B3GALT1: variants seen among roughly 807,000 people sequenced by gnomAD.
The protein encoded by B3GALT1 is beta-1,3-galactosyltransferase 1.
Under a neutral mutation model 23.2 loss-of-function variants are expected in B3GALT1, and 10 were observed. The ratio of observed to expected loss-of-function variants is 0.43; its 90% confidence interval spans 0.27 to 0.73. The LOEUF is 0.73. Among genes scored for constraint, B3GALT1 ranks in the 30% least tolerant of loss-of-function variants. B3GALT1 has a pLI of 0.21. For synonymous variants in B3GALT1, 156 were observed against 141.5 expected (o/e 1.10, Z -0.73); for missense variants, 299 against 405.4 (o/e 0.74, Z 2.25).
In B3GALT1 at chr2:167,804,777, C is replaced by T. The variant is rs528782863; in HGVS notation, c.-351-13895C>T. On this transcript the variant is annotated intron_variant, in intron 3 of 4. Coordinates refer to ENST00000392690, the MANE Select transcript of B3GALT1 (RefSeq NM_020981.4). ...GTCTTTGCTATTGTGAATAGTGCCG[C>T]AATAAACATATGTGTGCATGTGTCT... 4.9e-3 allele frequency among the ~76,000 whole-genome samples: 747 copies of T among 152,090 alleles called. 5 individuals carry two copies. The highest frequency in any genetic ancestry group is 0.017 in the African/African-American group (710 of 41,442).
chr2:167,294,297 G>T (rs1696312048), intron 1 of B3GALT1, among the ~76,000 whole-genome samples: 1 of 152,236 alleles, frequency 6.6e-6, no homozygotes. Context: ...GCTGGGGTCT[G>T]GTCCATCAGA....
At chr2:167,412,640 A>G (rs1698409460) in intron 1 of B3GALT1, among the ~76,000 whole-genome samples, 1 of 152,194 alleles carries the variant, frequency 6.6e-6, no homozygotes, top group African/African-American at 2.4e-5. Flanking sequence ...TAATGAGAGT[A>G]TAAGTTGGTA....
intron 2 of B3GALT1, among the ~76,000 whole-genome samples, chr2:167,494,463 G>C (rs1381307086): frequency 6.6e-6 from 1 of 152,008 alleles, no homozygotes; most frequent in African/African-American, 2.4e-5. Flanking sequence ...TATTTTCACT[G>C]TTTTAAAATA....
intron 2 of B3GALT1, among the ~76,000 whole-genome samples, chr2:167,532,227 G>T (rs940603734): frequency 7.2e-5 from 11 of 151,980 alleles, no homozygotes; most frequent in African/African-American, 2.2e-4. Flanking sequence ...AATAATTTCT[G>T]CAATCAGGAC....
At chr2:167,648,887 C>A (rs1466220801) in intron 3 of B3GALT1, among the ~76,000 whole-genome samples, 1 of 152,028 alleles carries the variant, frequency 6.6e-6, no homozygotes, top group Non-Finnish European at 1.5e-5. Flanking sequence ...TTTTAACCTC[C>A]ATTAACCCAC....
intron 2 of B3GALT1, among the ~76,000 whole-genome samples, chr2:167,508,793 A>G (rs542520941): frequency 3.4e-4 from 52 of 152,306 alleles, no homozygotes; most frequent in African/African-American, 1.1e-3. Context: ...AAAGAAAGGA[A>G]AAGTTTGGTA....
chr2:167,439,709 T>C (rs917967389), intron 1 of B3GALT1, among the ~76,000 whole-genome samples: 3 of 152,160 alleles, frequency 2.0e-5, no homozygotes, highest in African/African-American at 7.2e-5. Flanking sequence ...AAATACAAAT[T>C]TTGCTATTGA....
At chr2:167,866,556 T>C (rs1690221856) in intron 4 of B3GALT1, among the ~76,000 whole-genome samples, 1 of 152,144 alleles carries the variant, frequency 6.6e-6, no homozygotes, top group Non-Finnish European at 1.5e-5. Context: ...GGCTTAACCA[T>C]AGAGATAGAG....
At chr2:167,410,811 T>A (rs2105295328) in intron 1 of B3GALT1, among the ~76,000 whole-genome samples, 1 of 152,222 alleles carries the variant, frequency 6.6e-6, no homozygotes, top group African/African-American at 2.4e-5. Context: ...CAAAGGGGCA[T>A]GCAAATTATA....
At chr2:167,702,045 A>G (rs1286834463) in intron 3 of B3GALT1, among the ~76,000 whole-genome samples, 2 of 152,212 alleles carry the variant, frequency 1.3e-5, no homozygotes, top group Admixed American at 6.5e-5. Flanking sequence ...AAAACATTAT[A>G]CATTCATAAC....
intron 1 of B3GALT1, among the ~76,000 whole-genome samples, chr2:167,303,648 C>T (rs1160261217): frequency 2.6e-5 from 1 of 39,046 alleles, no homozygotes; most frequent in Admixed American, 3.1e-4. Context: ...CACACATACA[C>T]ACACACACAC....
At chr2:167,301,414 G>T (rs1696443920) in intron 1 of B3GALT1, among the ~76,000 whole-genome samples, 1 of 152,138 alleles carries the variant, frequency 6.6e-6, no homozygotes, top group Admixed American at 6.6e-5. Flanking sequence ...TCATGTTTCT[G>T]TGTGCTTCAG....
chr2:167,612,810 C>G (rs1238589119), intron 2 of B3GALT1, among the ~76,000 whole-genome samples: 1 of 151,888 alleles, frequency 6.6e-6, no homozygotes, highest in South Asian at 2.1e-4. Flanking sequence ...GATTTACTAG[C>G]TTGAGCAATT....
At chr2:167,572,833 G>C (rs549450527) in intron 2 of B3GALT1, among the ~76,000 whole-genome samples, 1 of 151,780 alleles carries the variant, frequency 6.6e-6, no homozygotes, top group Non-Finnish European at 1.5e-5. Flanking sequence ...GAAGGGACTA[G>C]TAGGTTGGTG....
chr2:167,781,347 C>G (rs971876062), intron 3 of B3GALT1, among the ~76,000 whole-genome samples: 1 of 152,058 alleles, frequency 6.6e-6, no homozygotes, highest in African/African-American at 2.4e-5. Context: ...GAAAATATGG[C>G]GACATCCTCT....
intron 3 of B3GALT1, among the ~76,000 whole-genome samples, chr2:167,810,368 G>T (rs55776279): frequency 6.6e-6 from 1 of 150,864 alleles, no homozygotes; most frequent in African/African-American, 2.5e-5. Context: ...TCTTCTCTGT[G>T]GCTCTCACTG....
At chr2:167,841,635 G>A (rs978721794) in intron 4 of B3GALT1, among the ~76,000 whole-genome samples, 3 of 152,194 alleles carry the variant, frequency 2.0e-5, no homozygotes, top group African/African-American at 7.2e-5. Flanking sequence ...GCCCCTTCCA[G>A]CCTCCCCCTT....
chr2:167,432,864 C>A (rs991594616), intron 1 of B3GALT1, among the ~76,000 whole-genome samples: 2 of 152,116 alleles, frequency 1.3e-5, no homozygotes, highest in African/African-American at 4.8e-5. Context: ...AGATAACCTC[C>A]CCATTATCAA....
intron 2 of B3GALT1, among the ~76,000 whole-genome samples, chr2:167,594,519 C>G (rs1231578959): frequency 6.6e-6 from 1 of 152,150 alleles, no homozygotes; most frequent in African/African-American, 2.4e-5. Context: ...CTTGCCCTGT[C>G]AACAACATTT....
Sources: allele counts gnomAD v4.1 joint callset (sites outside exome capture counted in the v4.1 genomes callset), GRCh38; gene constraint gnomAD v4.1.1; transcripts MANE v1.5; gene names NCBI Gene and HGNC (gene_info 2026-07-23, HGNC 2026-07-21).